SDK1: variants seen among roughly 807,000 people sequenced by gnomAD.
SDK1 encodes sidekick cell adhesion molecule 1.
In SDK1, 157 loss-of-function variants were observed where a neutral mutation model predicts 245.5. The ratio of observed to expected loss-of-function variants is 0.64; its 90% CI spans 0.56 to 0.73. SDK1 has a LOEUF of 0.73. SDK1 is among the 30% of genes least tolerant of loss of function. The probability of loss-of-function intolerance (pLI) is 0.00; values close to 1 mark genes in which losing one functional copy is unlikely to be tolerated. For synonymous variants in SDK1, 1,647 were observed against 1,278.5 expected, an observed-to-expected ratio of 1.29 and a Z score of -6.15; for missense variants, 3,583 against 3,002.3, an observed-to-expected ratio of 1.19 and a Z score of -4.52.
At position 4,241,914 on chromosome 7, in the gene SDK1, G is replaced by A; in HGVS notation, c.6251+1G>A. 1 of 1,612,844 alleles carries A rather than the reference G, an allele frequency of 6.2e-7. No individual in the cohort carries two copies. Among genetic ancestry groups the A allele is most frequent in the Non-Finnish European group, 8.5e-7 (1 of 1,180,024 alleles). On this transcript the variant is annotated splice_donor_variant, in intron 43 of 44. Transcript: ENST00000404826. LOFTEE classifies it high-confidence loss of function. ...CCTTCTCCAAGAAGAACGGGACCAG[G>A]TAGGCAGGCAGTGCTGTGCTGCGCC...
intron 4 of SDK1, among the ~76,000 whole-genome samples, chr7:3,772,063 G>A (rs996356895): frequency 6.6e-6 from 1 of 152,102 alleles, no homozygotes; most frequent in African/African-American, 2.4e-5. Context: ...CTCAAAATTT[G>A]TTTGTACTGA....
At chr7:3,576,768 CAG>C (rs752524696) in intron 1 of SDK1, among the ~76,000 whole-genome samples, 1 of 151,972 alleles carries the variant, frequency 6.6e-6, no homozygotes, top group Non-Finnish European at 1.5e-5. Flanking sequence ...ACAGGAGCTT[CAG>C]CATTTTGTTC....
chr7:3,430,005 G>A (rs1023399494), intron 1 of SDK1, among the ~76,000 whole-genome samples: 3 of 152,146 alleles, frequency 2.0e-5, no homozygotes, highest in East Asian at 1.9e-4. Flanking sequence ...TAAAATACAT[G>A]CAGTCACTGT....
intron 4 of SDK1, among the ~76,000 whole-genome samples, chr7:3,761,482 A>C (rs1211389584): frequency 2.0e-5 from 3 of 150,548 alleles, no homozygotes; most frequent in African/African-American, 7.3e-5. Context: ...TGAACCCGGG[A>C]GGCGGAGCTT....
At chr7:3,847,300 C>T (rs1380500000) in intron 5 of SDK1, among the ~76,000 whole-genome samples, 1 of 152,206 alleles carries the variant, frequency 6.6e-6, no homozygotes, top group African/African-American at 2.4e-5. Flanking sequence ...CTGTCACTAT[C>T]GACTTGGTCG....
intron 1 of SDK1, among the ~76,000 whole-genome samples, chr7:3,509,181 G>C (rs183610836): frequency 3.1e-4 from 47 of 152,198 alleles, no homozygotes; most frequent in Non-Finnish European, 3.5e-4. Context: ...AGATTAAGTT[G>C]TGTTAGACAA....
At chr7:3,828,256 C>T (rs994547432) in intron 5 of SDK1, among the ~76,000 whole-genome samples, 4 of 151,760 alleles carry the variant, frequency 2.6e-5, no homozygotes, top group African/African-American at 7.3e-5. Context: ...CCAACCAAGG[C>T]GACGGAGCAA....
rs73304203 is a variant in SDK1 at position 3,729,008 on chromosome 7, C to T, written c.713+86903C>T. On this transcript the variant is annotated intron_variant, in intron 4 of 44. Transcript: ENST00000404826. ...CTCGAGGGAGAATATAGGATGCCAACGGTGTCTCCTGACCTTAGCCTTTGC... is the reference window on the plus strand; with the variant it reads ...CTCGAGGGAGAATATAGGATGCCAATGGTGTCTCCTGACCTTAGCCTTTGC... Among the ~76,000 whole-genome samples, 1,025 of 152,304 alleles carry T rather than the reference C, an allele frequency of 6.7e-3. 11 individuals carry two copies. The highest frequency in any genetic ancestry group is 0.023 in the African/African-American group (949 of 41,550).
At chr7:3,655,677 C>T (rs1783160736) in intron 4 of SDK1, among the ~76,000 whole-genome samples, 1 of 151,322 alleles carries the variant, frequency 6.6e-6, no homozygotes, top group South Asian at 2.1e-4. Context: ...CCTGGTCATA[C>T]TAAGTAGTGA....
intron 5 of SDK1, among the ~76,000 whole-genome samples, chr7:3,905,834 G>T (rs947802220): frequency 1.3e-5 from 2 of 152,006 alleles, no homozygotes; most frequent in African/African-American, 4.8e-5. Flanking sequence ...ATGTTGCCCA[G>T]GCTGGTCTTG....
At chr7:3,355,613 C>T (rs753332697) in intron 1 of SDK1, among the ~76,000 whole-genome samples, 3 of 152,194 alleles carry the variant, frequency 2.0e-5, no homozygotes, top group Non-Finnish European at 4.4e-5. Flanking sequence ...CTTCACGGTA[C>T]CTTTCATGGA....
intron 5 of SDK1, among the ~76,000 whole-genome samples, chr7:3,872,272 G>GT (rs1037478309): frequency 6.6e-6 from 1 of 152,054 alleles, no homozygotes; most frequent in Non-Finnish European, 1.5e-5. Flanking sequence ...CTTGTGATGT[G>GT]TTTATCTAGC....
chr7:3,970,843 G>C (rs188800116), intron 11 of SDK1, among the ~76,000 whole-genome samples: 2 of 152,252 alleles, frequency 1.3e-5, no homozygotes, highest in East Asian at 3.9e-4. Context: ...ACTTAGCCTT[G>C]TGACTCCGAA....
At chr7:4,148,991 G>A (rs1001829450) in intron 29 of SDK1, among the ~76,000 whole-genome samples, 1 of 152,174 alleles carries the variant, frequency 6.6e-6, no homozygotes, top group Non-Finnish European at 1.5e-5. Context: ...AGGAGACAGA[G>A]GTTGTAGTGA....
chr7:3,687,540 G>A (rs949629793), intron 4 of SDK1, among the ~76,000 whole-genome samples: 5 of 152,194 alleles, frequency 3.3e-5, no homozygotes, highest in Admixed American at 2.0e-4. Context: ...GCTTCGCACT[G>A]AAAAGGTGTG....
rs575951578 is a variant in SDK1 at position 4,031,020 on chromosome 7, T to C, written c.2602+13668T>C. The stretch of plus-strand genomic sequence containing the variant: ...AGGCCCCCATACATACACATTCACA[T>C]ACATGCGCAAACAGAGACAAGTATA... On this transcript the variant is annotated intron_variant, in intron 17 of 44. Transcript: ENST00000404826. Among the ~76,000 whole-genome samples the C allele has an allele frequency of 3.9e-5, 6 of 152,230 alleles. No homozygotes were observed. The South Asian group carries it at 1.2e-3, about 32-fold the overall frequency.
intron 1 of SDK1, among the ~76,000 whole-genome samples, chr7:3,331,802 A>G (rs925055890): frequency 2.0e-5 from 3 of 152,066 alleles, no homozygotes; most frequent in African/African-American, 7.2e-5. Flanking sequence ...GATGCAGCTT[A>G]TTTTAAGGCA....
At chr7:3,950,678 C>T (rs965760209) in intron 5 of SDK1, among the ~76,000 whole-genome samples, 1 of 152,070 alleles carries the variant, frequency 6.6e-6, no homozygotes, top group African/African-American at 2.4e-5. Context: ...GAAGTCAAAA[C>T]GCGCTTTTGT....
At chr7:3,498,662 G>T (rs1228276692) in intron 1 of SDK1, among the ~76,000 whole-genome samples, 1 of 151,280 alleles carries the variant, frequency 6.6e-6, no homozygotes, top group Non-Finnish European at 1.5e-5. Flanking sequence ...GCTTAGTCTT[G>T]TATGTGTTTC....
Sources: allele counts gnomAD v4.1 joint callset (sites outside exome capture counted in the v4.1 genomes callset), GRCh38; gene constraint gnomAD v4.1.1; transcripts MANE v1.5; gene names NCBI Gene and HGNC (gene_info 2026-07-23, HGNC 2026-07-21).